The following PPP2R2B variants were observed in gnomAD, a reference collection of about 807,000 sequenced individuals.
PPP2R2B encodes protein phosphatase 2 regulatory subunit Bbeta.
In PPP2R2B, 5 loss-of-function variants were observed where a neutral mutation model predicts 46.0. The ratio of observed to expected loss-of-function variants is 0.11; its 90% CI spans 0.06 to 0.23. The LOEUF is 0.23. Ranked by LOEUF, PPP2R2B falls within the 10% of genes least tolerant of loss-of-function variation. The probability of loss-of-function intolerance (pLI) is 1.00; values close to 1 mark genes in which losing one functional copy is unlikely to be tolerated. For missense variants in PPP2R2B, 367 were observed against 575.0 expected, an observed-to-expected ratio of 0.64 and a Z score of 3.70; for synonymous variants, 215 against 206.7, an observed-to-expected ratio of 1.04 and a Z score of -0.34.
intron 1 of PPP2R2B, among the ~76,000 whole-genome samples, chr5:147,008,801 T>C (rs1461199471): frequency 1.3e-5 from 2 of 152,160 alleles, no homozygotes; most frequent in Non-Finnish European, 2.9e-5. Flanking sequence ...CTGAAGGAGC[T>C]CAACTCTAGT....
chr5:146,745,792 T>C (rs1753154680), intron 2 of PPP2R2B, among the ~76,000 whole-genome samples: 2 of 152,140 alleles, frequency 1.3e-5, no homozygotes, highest in South Asian at 4.1e-4. Context: ...ATCCCATTTC[T>C]ACTAAAAATA....
intron 1 of PPP2R2B, among the ~76,000 whole-genome samples, chr5:147,033,907 T>C (rs1469009961): frequency 6.6e-6 from 1 of 152,170 alleles, no homozygotes. Context: ...ATCATTTATC[T>C]CCACACAGCA....
At chr5:147,029,553 A>G (rs10447220) in intron 1 of PPP2R2B, among the ~76,000 whole-genome samples, 83,288 of 151,932 alleles carry the variant, frequency 0.55, 23,211 homozygotes, top group Middle Eastern at 0.64. Flanking sequence ...ATCTTAATAG[A>G]TGGTGTTCTA....
At chr5:146,928,798 A>AT (rs1412753757) in intron 1 of PPP2R2B, among the ~76,000 whole-genome samples, 2 of 152,110 alleles carry the variant, frequency 1.3e-5, no homozygotes, top group African/African-American at 2.4e-5. Context: ...GTGGCTTCCC[A>AT]TTTTGCTTAG....
intron 5 of PPP2R2B, among the ~76,000 whole-genome samples, chr5:146,669,310 G>T (rs778682096): frequency 3.3e-5 from 5 of 152,162 alleles, no homozygotes; most frequent in Non-Finnish European, 2.9e-5. Context: ...GTCCCAGGGA[G>T]TATGAGATGG....
chr5:147,000,068 ATGG>A (rs1235638835), intron 1 of PPP2R2B, among the ~76,000 whole-genome samples: 2 of 152,180 alleles, frequency 1.3e-5, no homozygotes, highest in African/African-American at 2.4e-5. Context: ...GGCTGTGATG[ATGG>A]TGACTTTAAC....
chr5:146,780,608 C>T (rs2151281820), intron 2 of PPP2R2B, among the ~76,000 whole-genome samples: 1 of 152,240 alleles, frequency 6.6e-6, no homozygotes, highest in Non-Finnish European at 1.5e-5. Flanking sequence ...AATTAGATGG[C>T]CTTTGTTCTA....
At chr5:146,889,033 G>T (rs574623280) in intron 1 of PPP2R2B, among the ~76,000 whole-genome samples, 1 of 152,168 alleles carries the variant, frequency 6.6e-6, no homozygotes, top group African/African-American at 2.4e-5. Flanking sequence ...AGAGAGAAAC[G>T]ATTTTGTTCT....
At chr5:146,953,939 G>T (rs1322263691) in intron 1 of PPP2R2B, among the ~76,000 whole-genome samples, 1 of 152,096 alleles carries the variant, frequency 6.6e-6, no homozygotes, top group Non-Finnish European at 1.5e-5. Context: ...AACTAGTTTG[G>T]TTGTTCACTA....
At chr5:146,706,483 G>C in intron 2 of PPP2R2B, 1 of 1,182,562 alleles carries the variant, frequency 8.5e-7, no homozygotes, top group South Asian at 1.2e-5. Flanking sequence ...TCCAGGGTCA[G>C]CTTGATGTTC....
At chr5:146,803,528 A>G (rs1756991266) in intron 2 of PPP2R2B, among the ~76,000 whole-genome samples, 1 of 152,184 alleles carries the variant, frequency 6.6e-6, no homozygotes. Flanking sequence ...GTATCAGGAG[A>G]AAAAAACACA....
At position 147,068,032 on chromosome 5, in the gene PPP2R2B, T is replaced by A. The variant is rs372085168; in HGVS notation, c.50+13027A>T. Among the ~76,000 whole-genome samples the A allele has an allele frequency of 1.2e-3, 189 of 152,296 alleles. 3 individuals carry two copies. In the South Asian group the frequency reaches 0.012, roughly 10 times the overall value. On this transcript the variant is annotated intron_variant, in intron 2 of 10. Coordinates refer to the PPP2R2B transcript ENST00000394413. ...ATAATCTTTTTAGTAAACACATGGA[T>A]CTGATGGCCATTTTAAGCTCATTTA...
chr5:146,963,056 G>C (rs1281207671), intron 1 of PPP2R2B, among the ~76,000 whole-genome samples: 1 of 152,178 alleles, frequency 6.6e-6, no homozygotes, highest in African/African-American at 2.4e-5. Context: ...GATTCAATGT[G>C]TACAAATTGG....
At chr5:146,801,129 T>C (rs1348826183) in intron 2 of PPP2R2B, among the ~76,000 whole-genome samples, 2 of 151,576 alleles carry the variant, frequency 1.3e-5, no homozygotes, top group Non-Finnish European at 2.9e-5. Context: ...CTAAAATAGC[T>C]AAACATAAAA....
At chr5:146,745,568 A>AAG (rs2151227332) in intron 2 of PPP2R2B, among the ~76,000 whole-genome samples, 2 of 152,352 alleles carry the variant, frequency 1.3e-5, no homozygotes, top group African/African-American at 4.8e-5. Context: ...CTAGATTGGT[A>AAG]AGTCACTGAA....
chr5:146,952,201 T>A (rs532394624), intron 1 of PPP2R2B, among the ~76,000 whole-genome samples: 1 of 152,252 alleles, frequency 6.6e-6, no homozygotes, highest in East Asian at 1.9e-4. Flanking sequence ...CCCTGTTGAT[T>A]TTTTAAATCC....
At chr5:147,024,412 C>A (rs1242056999) in intron 1 of PPP2R2B, among the ~76,000 whole-genome samples, 1 of 152,022 alleles carries the variant, frequency 6.6e-6, no homozygotes, top group African/African-American at 2.4e-5. Context: ...ATTGATAGAA[C>A]AAGTAGAATG....
At chr5:146,705,960 TG>T (rs1193446353) in intron 2 of PPP2R2B, among the ~76,000 whole-genome samples, 1 of 151,458 alleles carries the variant, frequency 6.6e-6, no homozygotes, top group Non-Finnish European at 1.5e-5. Flanking sequence ...CAGAGCTAGC[TG>T]AGGTTTTATT....
chr5:147,023,992 T>C (rs771508095), intron 1 of PPP2R2B, among the ~76,000 whole-genome samples: 1 of 152,214 alleles, frequency 6.6e-6, no homozygotes, highest in Non-Finnish European at 1.5e-5. Context: ...GTCCTGCACC[T>C]GGGGCTCGGA....
Sources: gnomAD v4.1 joint callset for allele counts (sites outside exome capture counted in the v4.1 genomes callset) on GRCh38, gnomAD v4.1.1 for gene constraint, MANE v1.5 for transcripts, NCBI Gene and HGNC (gene_info 2026-07-23, HGNC 2026-07-21) for gene names.